GALNT2: variants seen among roughly 807,000 people sequenced by gnomAD.
GALNT2 encodes the protein polypeptide N-acetylgalactosaminyltransferase 2, also known as UDP-GalNAc:polypeptide N-acetylgalactosaminyltransferase 2.
GALNT2 carries 31 observed loss-of-function variants against 81.4 expected under a neutral mutation model. That is an observed-to-expected ratio of 0.38 (90% CI 0.29 to 0.51). GALNT2 has a LOEUF of 0.51. GALNT2 is among the 20% of genes least tolerant of loss of function. The pLI is 0.87. For missense variants in GALNT2, 629 were observed against 765.7 expected, an observed-to-expected ratio of 0.82 and a Z score of 2.11; for synonymous variants, 303 against 287.4, an observed-to-expected ratio of 1.05 and a Z score of -0.55.
chr1:230,208,759 A>T lies in GALNT2; in HGVS notation c.374+5469A>T, dbSNP rs749949096. Reference sequence around the variant, plus strand: ...TCAGGAGATATAATTTTATGAAGCTATGCGACTGTGAAGCTAAAAGGAGCC... The same window carrying T: ...TCAGGAGATATAATTTTATGAAGCTTTGCGACTGTGAAGCTAAAAGGAGCC... On this transcript the variant is annotated intron_variant, in intron 3 of 15. Transcript: ENST00000366672. Among the ~76,000 whole-genome samples, 9 of 152,260 alleles carry T rather than the reference A, an allele frequency of 5.9e-5. No individual in the cohort carries two copies. In the South Asian group the frequency reaches 8.3e-4, roughly 14 times the overall value.
rs1244193362 is a variant in GALNT2 at position 230,247,463 on chromosome 1, G to A, written c.817+1313G>A. On this transcript the variant is annotated intron_variant, in intron 8 of 15. Coordinates refer to ENST00000366672, the MANE Select transcript of GALNT2 (RefSeq NM_004481.5). Reference sequence around the variant, plus strand: ...TGGAATTAGACATCAGCGGGAGGGCGGGCATGCTTGGAGGACTGTACCTAG... The same window carrying A: ...TGGAATTAGACATCAGCGGGAGGGCAGGCATGCTTGGAGGACTGTACCTAG... Among the ~76,000 whole-genome samples the A allele has an allele frequency of 3.9e-5, 6 of 152,260 alleles. No individual in the cohort carries two copies. In the South Asian group the frequency reaches 8.3e-4, roughly 21 times the overall value.
intron 2 of GALNT2, 117 bp downstream of exon 2, chr1:230,178,428 A>G: frequency 1.4e-6 from 1 of 701,768 alleles, no homozygotes; most frequent in Non-Finnish European, 2.3e-6. Flanking sequence ...GGTCAGCAGG[A>G]GACACCGCCC....
At chr1:230,122,575 C>A (rs1475130297) in intron 1 of GALNT2, among the ~76,000 whole-genome samples, 1 of 152,022 alleles carries the variant, frequency 6.6e-6, no homozygotes. Flanking sequence ...AACCAGAAAA[C>A]CACAGTGGAT....
At chr1:230,190,036 G>T (rs771963863) in intron 2 of GALNT2, among the ~76,000 whole-genome samples, 12 of 152,224 alleles carry the variant, frequency 7.9e-5, no homozygotes, top group Non-Finnish European at 1.8e-4. Flanking sequence ...TGTGACACTT[G>T]TGGGGAGCGA....
chr1:230,206,989 C>G (rs1376790718), intron 3 of GALNT2, among the ~76,000 whole-genome samples: 5 of 151,772 alleles, frequency 3.3e-5, no homozygotes, highest in Non-Finnish European at 7.4e-5. Flanking sequence ...TCCAAAACTT[C>G]CCGTCCCCCT....
At chr1:230,170,047 G>T (rs1662742599) in intron 1 of GALNT2, among the ~76,000 whole-genome samples, 1 of 152,230 alleles carries the variant, frequency 6.6e-6, no homozygotes, top group South Asian at 2.1e-4. Context: ...GCAGGAACAG[G>T]CCTTGGGAAA....
chr1:230,163,701 G>A (rs745360267), intron 1 of GALNT2, among the ~76,000 whole-genome samples: 7 of 152,242 alleles, frequency 4.6e-5, no homozygotes, highest in Admixed American at 1.3e-4. Flanking sequence ...CAAATGAGAC[G>A]AAGTGTGTGG....
At position 230,252,873 on chromosome 1, in the gene GALNT2, A is replaced by G. The variant is rs1572140903; in HGVS notation, c.1009+2313A>G. ...TTTTTTTTTTTTTTTTTTGAGATGGAGTCTCGCTCTGTCACCAGGCTGGAG... is the reference window on the plus strand; with the variant it reads ...TTTTTTTTTTTTTTTTTTGAGATGGGGTCTCGCTCTGTCACCAGGCTGGAG... On this transcript the variant is annotated intron_variant, in intron 10 of 15. Transcript: ENST00000366672. Among the ~76,000 whole-genome samples the G allele has an allele frequency of 1.0e-4, 5 of 49,430 alleles. No homozygotes were observed. In the South Asian group the frequency reaches 3.0e-3, roughly 30 times the overall value. 32.4% of individuals were successfully genotyped at this position (49,430 alleles called of 152,430 possible). A position where few individuals can be genotyped will look rare whatever the true frequency, so the allele number is the denominator to read the frequency against.
At chr1:230,071,116 A>G (rs1659357840) in intron 1 of GALNT2, among the ~76,000 whole-genome samples, 1 of 152,182 alleles carries the variant, frequency 6.6e-6, no homozygotes, top group Non-Finnish European at 1.5e-5. Context: ...AAAAGCCTAA[A>G]TATCCCCTTG....
At chr1:230,066,969 G>A (rs181092443), upstream of GALNT2, among the ~76,000 whole-genome samples, 5,510 of 149,770 alleles carry the variant, frequency 0.037, 185 homozygotes, top group African/African-American at 0.088. Flanking sequence ...ATGGAGACGC[G>A]GCAGTCCCCT....
chr1:230,156,951 G>T (rs1662275419), intron 1 of GALNT2, among the ~76,000 whole-genome samples: 1 of 152,206 alleles, frequency 6.6e-6, no homozygotes, highest in Admixed American at 6.5e-5. Context: ...GCAGTAAGAG[G>T]CAAGGTCAGA....
In GALNT2 at chr1:230,193,533, A is replaced by G. The variant is rs749580365; in HGVS notation, c.221-9604A>G. On this transcript the variant is annotated intron_variant, in intron 2 of 15. Coordinates refer to ENST00000366672, the MANE Select transcript of GALNT2 (RefSeq NM_004481.5). The surrounding 1 kb of genome is among the most constrained non-coding windows in gnomAD (Gnocchi z 4.3). ...TGCGCCTCTGTGTGCTGGGGTCTTC[A>G]TGTGCTTTGTGATGTTAATTCTTTG... Among the ~76,000 whole-genome samples, 18 of 150,984 alleles carry G rather than the reference A, an allele frequency of 1.2e-4. No homozygotes were observed. Among genetic ancestry groups the G allele is most frequent in the Non-Finnish European group, 1.9e-4 (13 of 67,912 alleles).
chr1:230,095,748 T>C (rs780888896), intron 1 of GALNT2, among the ~76,000 whole-genome samples: 7 of 152,170 alleles, frequency 4.6e-5, no homozygotes, highest in Non-Finnish European at 7.4e-5. Context: ...GCAGGCTCTG[T>C]CCTTGAGGGG....
rs552575721 is a variant in GALNT2, at chr1:230,196,667, C to T, written c.221-6470C>T. ...GACACAGGCTTCTGCATTCTTGCCC[C>T]GTCCAGCACACAAGCTGCTGTCAGC... On this transcript the variant is annotated intron_variant, in intron 2 of 15. Coordinates refer to ENST00000366672, the MANE Select transcript of GALNT2 (RefSeq NM_004481.5). Among the ~76,000 whole-genome samples the T allele has an allele frequency of 9.2e-5, 14 of 152,242 alleles. 1 individual carries two copies. The highest frequency in any genetic ancestry group is 3.9e-4 in the Admixed American group (6 of 15,300).
intron 2 of GALNT2, among the ~76,000 whole-genome samples, chr1:230,183,888 G>C (rs1346749667): frequency 6.6e-6 from 1 of 151,892 alleles, no homozygotes; most frequent in Non-Finnish European, 1.5e-5. Context: ...TGAGGCAGGA[G>C]AATCGCTGGA....
At chr1:230,144,697 T>C (rs1661859172) in intron 1 of GALNT2, among the ~76,000 whole-genome samples, 1 of 152,126 alleles carries the variant, frequency 6.6e-6, no homozygotes, top group Admixed American at 6.5e-5. Context: ...AAAGCAAATC[T>C]CGGATGTTAT....
chr1:230,274,547 G>T lies in GALNT2; in HGVS notation c.1543G>T (p.Glu515Ter), dbSNP rs759599137. Residue 515 changes from glutamate (E) to a stop codon, truncating the protein, a stop_gained, in exon 15 of 16, where the codon GAA (glutamate) becomes TAA (stop). Coordinates refer to ENST00000366672, the MANE Select transcript of GALNT2 (RefSeq NM_004481.5). LOFTEE classifies it high-confidence loss of function. The stretch of plus-strand genomic sequence containing the variant: ...TCTTATAAAGCTGCAGGGCTGCCGA[G>T]AAAATGACAGCAGACAGGTACGGCT... ...GSLIKLQGCR[E>*]NDSRQKWEQI... The T allele has an allele frequency of 6.2e-7, 1 of 1,613,974 alleles. No homozygotes were observed. Among genetic ancestry groups the T allele is most frequent in the Non-Finnish European group, 8.5e-7 (1 of 1,179,912 alleles).
intron 14 of GALNT2, 74 bp downstream of exon 14, chr1:230,265,441 G>T: frequency 6.3e-7 from 1 of 1,593,750 alleles, no homozygotes; most frequent in Non-Finnish European, 8.6e-7. Context: ...GATGTTAGAA[G>T]TCCCAGCTGC....
intron 3 of GALNT2, among the ~76,000 whole-genome samples, chr1:230,212,676 C>T (rs2102715120): frequency 6.6e-6 from 1 of 152,066 alleles, no homozygotes; most frequent in East Asian, 1.9e-4. Context: ...GGTCCCCCAC[C>T]AACTCATCCC....
Sources: allele counts gnomAD v4.1 joint callset (sites outside exome capture counted in the v4.1 genomes callset), GRCh38; gene constraint gnomAD v4.1.1; non-coding constraint Gnocchi (gnomAD v3.1); transcripts MANE v1.5; gene names NCBI Gene and HGNC (gene_info 2026-07-23, HGNC 2026-07-21).